The following IL26 variants were observed in gnomAD, a reference collection of about 807,000 sequenced individuals.
IL26 encodes interleukin-26.
A neutral mutation model predicts 21.7 loss-of-function variants in IL26; 23 were observed. The ratio of observed to expected loss-of-function variants is 1.06; its 90% CI spans 0.76 to 1.50. IL26 has a LOEUF of 1.50. Among genes scored for constraint, IL26 ranks in the 40% most tolerant of loss-of-function variants. The pLI is 0.00. For missense variants in IL26, 204 were observed against 196.0 expected, an observed-to-expected ratio of 1.04 and a Z score of -0.24; for synonymous variants, 63 against 67.8, an observed-to-expected ratio of 0.93 and a Z score of 0.34.
intron 3 of IL26, among the ~76,000 whole-genome samples, chr12:68,218,418 A>G (rs1868952895): frequency 6.6e-6 from 1 of 152,132 alleles, no homozygotes; most frequent in Admixed American, 6.5e-5. Context: ...TTCTAGAGAT[A>G]AAAACTACAA....
intron 3 of IL26, among the ~76,000 whole-genome samples, chr12:68,222,057 C>G (rs1391278446): frequency 1.3e-5 from 2 of 152,140 alleles, no homozygotes; most frequent in African/African-American, 4.8e-5. Context: ...AATGTCTTTG[C>G]AACTTTAGCA....
At chr12:68,222,397 G>A (rs1457968054) in intron 3 of IL26, among the ~76,000 whole-genome samples, 6 of 152,142 alleles carry the variant, frequency 3.9e-5, no homozygotes, top group African/African-American at 1.4e-4. Context: ...TAAGCAAGTA[G>A]GCTGTGTGCC....
At chr12:68,204,546 C>T (rs1868480438) in intron 3 of IL26, among the ~76,000 whole-genome samples, 2 of 152,192 alleles carry the variant, frequency 1.3e-5, no homozygotes, top group South Asian at 4.1e-4. Context: ...ACTGTGTCTT[C>T]TACCTGGGAA....
intron 3 of IL26, among the ~76,000 whole-genome samples, chr12:68,208,309 G>C (rs1868600406): frequency 6.6e-6 from 1 of 152,140 alleles, no homozygotes; most frequent in African/African-American, 2.4e-5. Context: ...GTGTTCAAAG[G>C]CTGGAGAGCG....
rs1222974446 is a variant in IL26, at chr12:68,201,501, T to A, written c.*344A>T. 5.1e-6 allele frequency: 1 copy of A among 195,766 alleles called. No homozygotes were observed. The highest frequency in any genetic ancestry group is 5.6e-5 in the Admixed American group (1 of 17,928). 12.1% of individuals were successfully genotyped at this position (195,766 alleles called of 1,614,324 possible). The stretch of plus-strand genomic sequence containing the variant: ...GTAACATTACATTGCATTCCAGAAA[T>A]CTGTCATTCCCCCTCCACCCCCCAC... On this transcript the variant is annotated 3_prime_UTR_variant, in exon 5 of 5. Transcript: ENST00000229134.
chr12:68,219,805 T>C (rs1868996707), intron 3 of IL26, among the ~76,000 whole-genome samples: 1 of 151,736 alleles, frequency 6.6e-6, no homozygotes, highest in African/African-American at 2.4e-5. Context: ...ATCAATAAAA[T>C]TGATGAATTT....
chr12:68,201,756 T>C lies in IL26; in HGVS notation c.*89A>G. 1.1e-6 allele frequency: 1 copy of C among 879,980 alleles called. No individual in the cohort carries two copies. The highest frequency in any genetic ancestry group is 2.9e-5 in the Admixed American group (1 of 34,456). The allele number at this position is 879,980 out of a possible 1,614,324, so 54.5% of individuals were successfully genotyped here. On this transcript the variant is annotated 3_prime_UTR_variant, in exon 5 of 5. Coordinates refer to ENST00000229134, the MANE Select transcript of IL26 (RefSeq NM_018402.2). ...GCCGTCAGTATTATGTTAAAAAGTTTTTAAAAGAAATAGACTGTTATAAAC... is the reference window on the plus strand; with the variant it reads ...GCCGTCAGTATTATGTTAAAAAGTTCTTAAAAGAAATAGACTGTTATAAAC...
intron 3 of IL26, among the ~76,000 whole-genome samples, chr12:68,221,019 T>A (rs1869030915): frequency 6.6e-6 from 1 of 152,214 alleles, no homozygotes; most frequent in South Asian, 2.1e-4. Context: ...AGAAACATTC[T>A]GATCTTATGA....
At chr12:68,224,816 A>G (rs991816713) in intron 3 of IL26, among the ~76,000 whole-genome samples, 2 of 152,088 alleles carry the variant, frequency 1.3e-5, no homozygotes, top group Admixed American at 1.3e-4. Flanking sequence ...CAAAGTTGGT[A>G]CTCAAGAAAT....
At chr12:68,217,365 T>C (rs775034417) in intron 3 of IL26, among the ~76,000 whole-genome samples, 3 of 152,108 alleles carry the variant, frequency 2.0e-5, no homozygotes, top group Non-Finnish European at 4.4e-5. Context: ...AAATAAGAAA[T>C]AATTTCATGA....
At chr12:68,211,600 G>A (rs150674829) in intron 3 of IL26, among the ~76,000 whole-genome samples, 6 of 152,110 alleles carry the variant, frequency 3.9e-5, no homozygotes, top group East Asian at 1.9e-4. Flanking sequence ...CCATTCTAAC[G>A]GGGGTGAGAT....
At chr12:68,207,910 T>C (rs1868588577) in intron 3 of IL26, among the ~76,000 whole-genome samples, 1 of 152,224 alleles carries the variant, frequency 6.6e-6, no homozygotes, top group Admixed American at 6.5e-5. Context: ...CATATTTTTC[T>C]TAATTTTTCC....
chr12:68,225,384 A>T, intron 2 of IL26, 60 bp downstream of exon 2: 1 of 1,513,940 alleles, frequency 6.6e-7, no homozygotes, highest in Non-Finnish European at 9.0e-7. Flanking sequence ...ATTTAAATGC[A>T]GGGGGAAATA....
intron 3 of IL26, among the ~76,000 whole-genome samples, chr12:68,204,331 G>A (rs1868473519): frequency 1.3e-5 from 2 of 152,016 alleles, no homozygotes; most frequent in South Asian, 4.2e-4. Flanking sequence ...TTTTAGTAGA[G>A]ATGGGGTTTC....
chr12:68,207,893 T>C (rs945435612), intron 3 of IL26, among the ~76,000 whole-genome samples: 3 of 136,974 alleles, frequency 2.2e-5, no homozygotes, highest in Admixed American at 7.3e-5. Flanking sequence ...ATTTTATGCA[T>C]TAATGACATA....
Position 68,225,623 on chromosome 12 carries a change from A to G in IL26, c.134T>C (p.Leu45Pro). 6.2e-7 allele frequency: 1 copy of G among 1,614,086 alleles called. No homozygotes were observed. The highest frequency in any genetic ancestry group is 8.5e-7 in the Non-Finnish European group (1 of 1,179,938). Residue 45 changes from leucine (L) to proline (P), a missense_variant, in exon 1 of 5, where the codon CTC becomes CCC. By Grantham distance (98) the Leu-to-Pro change is moderately conservative (BLOSUM62 -3). Coordinates refer to ENST00000229134, the MANE Select transcript of IL26 (RefSeq NM_018402.2). ...TTTGAGCCATGCTGCTTTGATATAG[A>G]GAGCGTCAACAGCTTGGGACAATGT... ...RGTLSQAVDA[L>P]YIKAAWLKAT...
intron 3 of IL26, among the ~76,000 whole-genome samples, chr12:68,202,340 G>A (rs1868412438): frequency 6.6e-6 from 1 of 152,156 alleles, no homozygotes; most frequent in Non-Finnish European, 1.5e-5. Flanking sequence ...TCTATGACAG[G>A]GATTTATAGG....
chr12:68,201,431 A>G lies in IL26; in HGVS notation c.*414T>C, dbSNP rs1234109043. On this transcript the variant is annotated 3_prime_UTR_variant, in exon 5 of 5. Transcript: ENST00000229134. ...ACTGGGCATAATTAACAATTTTCAA[A>G]CACTTAAACAGACAATCATATACAT... 6.4e-6 allele frequency: 1 copy of G among 155,462 alleles called. No individual in the cohort carries two copies. The highest frequency in any genetic ancestry group is 1.4e-5 in the Non-Finnish European group (1 of 70,234). 9.6% of individuals were successfully genotyped at this position (155,462 alleles called of 1,614,324 possible). A position where few individuals can be genotyped will look rare whatever the true frequency, so the allele number is the denominator to read the frequency against.
intron 3 of IL26, among the ~76,000 whole-genome samples, chr12:68,212,456 T>C (rs1868760961): frequency 6.6e-6 from 1 of 152,156 alleles, no homozygotes; most frequent in Non-Finnish European, 1.5e-5. Context: ...AGAAATTGCA[T>C]TTAATCTGTA....
Sources: allele counts gnomAD v4.1 joint callset (sites outside exome capture counted in the v4.1 genomes callset), GRCh38; gene constraint gnomAD v4.1.1; transcripts MANE v1.5; gene names NCBI Gene and HGNC (gene_info 2026-07-23, HGNC 2026-07-21).